FMNL2: variants seen among roughly 807,000 people sequenced by gnomAD.
FMNL2 encodes formin-like protein 2.
Under a neutral mutation model 130.2 loss-of-function variants are expected in FMNL2, and 51 were observed. The ratio of observed to expected loss-of-function variants is 0.39; its 90% CI spans 0.31 to 0.49. FMNL2 has a LOEUF of 0.49. Ranked by LOEUF, FMNL2 falls within the 20% of genes least tolerant of loss-of-function variation. FMNL2 has a pLI of 0.85. For missense variants in FMNL2, 977 were observed against 1,316.2 expected, an observed-to-expected ratio of 0.74 and a Z score of 3.99; for synonymous variants, 465 against 467.1, an observed-to-expected ratio of 1.00 and a Z score of 0.06.
At chr2:152,386,193 A>G (rs1684770512) in intron 1 of FMNL2, among the ~76,000 whole-genome samples, 1 of 152,192 alleles carries the variant, frequency 6.6e-6, no homozygotes, top group Non-Finnish European at 1.5e-5. Context: ...AGCACCTTCA[A>G]GGGGGCTATT....
chr2:152,623,122 G>C (rs1681480395), intron 15 of FMNL2, among the ~76,000 whole-genome samples: 1 of 152,184 alleles, frequency 6.6e-6, no homozygotes, highest in Non-Finnish European at 1.5e-5. Flanking sequence ...TTGCTAAATA[G>C]TTAGAAGGGT....
chr2:152,647,689 A>T, intron 25 of FMNL2, 107 bp from the exon 26 acceptor site: 1 of 990,436 alleles, frequency 1.0e-6, no homozygotes, highest in Non-Finnish European at 1.6e-6. Flanking sequence ...CCATTAGCTG[A>T]CTTTTCTACA....
chr2:152,528,002 T>C (rs1378233604), intron 2 of FMNL2, among the ~76,000 whole-genome samples: 2 of 152,168 alleles, frequency 1.3e-5, no homozygotes, highest in Non-Finnish European at 2.9e-5. Context: ...TTCTAGACCT[T>C]GAAAATACAG....
intron 1 of FMNL2, among the ~76,000 whole-genome samples, chr2:152,370,388 C>G (rs1437907729): frequency 6.6e-6 from 1 of 152,186 alleles, no homozygotes; most frequent in African/African-American, 2.4e-5. Context: ...CCCAAAGGCC[C>G]CACCTTTTAA....
At chr2:152,516,462 A>C (rs543393919) in intron 1 of FMNL2, among the ~76,000 whole-genome samples, 77 of 152,268 alleles carry the variant, frequency 5.1e-4, no homozygotes, top group African/African-American at 1.4e-3. Flanking sequence ...TGCAAAGTCC[A>C]TGTTTTTTCT....
intron 1 of FMNL2, among the ~76,000 whole-genome samples, chr2:152,364,271 T>G (rs1312882702): frequency 4.1e-5 from 6 of 147,542 alleles, no homozygotes; most frequent in African/African-American, 1.5e-4. Context: ...GTTTTTTTTT[T>G]TTTTTTTTTT....
chr2:152,381,684 C>T (rs531162603), intron 1 of FMNL2, among the ~76,000 whole-genome samples: 2 of 152,304 alleles, frequency 1.3e-5, no homozygotes, highest in East Asian at 3.9e-4. Context: ...TTCCTGCCTG[C>T]TGTACTAAAC....
intron 1 of FMNL2, among the ~76,000 whole-genome samples, chr2:152,353,482 A>C (rs1190272925): frequency 6.6e-6 from 1 of 152,230 alleles, no homozygotes; most frequent in Admixed American, 6.5e-5. Flanking sequence ...AAGTAAGTAT[A>C]TGTCCCTATA....
At chr2:152,575,436 A>G (rs1451407756) in intron 7 of FMNL2, among the ~76,000 whole-genome samples, 192 bp downstream of exon 7, 1 of 104,598 alleles carries the variant, frequency 9.6e-6, no homozygotes, top group Non-Finnish European at 1.9e-5. Context: ...AAAAAAGAAG[A>G]AAAACCAACC....
chr2:152,553,699 A>G (rs896716014), intron 4 of FMNL2, among the ~76,000 whole-genome samples: 2 of 151,574 alleles, frequency 1.3e-5, no homozygotes, highest in Admixed American at 6.6e-5. Context: ...GTAATATTTA[A>G]TAACATTTAA....
At chr2:152,367,196 C>G (rs1683609625) in intron 1 of FMNL2, among the ~76,000 whole-genome samples, 1 of 151,756 alleles carries the variant, frequency 6.6e-6, no homozygotes, top group Admixed American at 6.6e-5. Context: ...CTACCTTAGC[C>G]TCTCGAGTAG....
At chr2:152,376,415 C>A (rs974681676) in intron 1 of FMNL2, among the ~76,000 whole-genome samples, 21 of 152,204 alleles carry the variant, frequency 1.4e-4, no homozygotes, top group African/African-American at 4.6e-4. Flanking sequence ...TCGAACACTG[C>A]ATGTACCTAT....
chr2:152,378,246 T>G (rs1286034534), intron 1 of FMNL2, among the ~76,000 whole-genome samples: 1 of 152,202 alleles, frequency 6.6e-6, no homozygotes, highest in Non-Finnish European at 1.5e-5. Flanking sequence ...TATGCAAGTA[T>G]CTTTTTAAGT....
chr2:152,628,620 T>A, intron 18 of FMNL2, 87 bp downstream of exon 18: 1 of 1,160,282 alleles, frequency 8.6e-7, no homozygotes, highest in Non-Finnish European at 1.3e-6. Flanking sequence ...TCGTACTCAG[T>A]GTGATGGGTT....
At chr2:152,353,047 G>C (rs1682590301) in intron 1 of FMNL2, among the ~76,000 whole-genome samples, 1 of 152,096 alleles carries the variant, frequency 6.6e-6, no homozygotes, top group Admixed American at 6.5e-5. Flanking sequence ...TGAGATGCTG[G>C]GACACAAAGG....
chr2:152,370,819 G>C (rs1447339948), intron 1 of FMNL2, among the ~76,000 whole-genome samples: 1 of 152,210 alleles, frequency 6.6e-6, no homozygotes. Flanking sequence ...AAAGCTAGAG[G>C]CTTAAAACTA....
chr2:152,416,195 A>G (rs1686602842), intron 1 of FMNL2, among the ~76,000 whole-genome samples: 1 of 152,186 alleles, frequency 6.6e-6, no homozygotes. Context: ...TTCGGTAACC[A>G]TAAGGGAAGA....
intron 1 of FMNL2, among the ~76,000 whole-genome samples, chr2:152,512,276 T>C (rs1038377743): frequency 2.2e-4 from 34 of 152,180 alleles, no homozygotes; most frequent in African/African-American, 7.2e-4. Flanking sequence ...ACATGAAGTT[T>C]GAAAAAAATT....
chr2:152,641,444 A>G (rs1013879240), intron 25 of FMNL2, among the ~76,000 whole-genome samples: 3 of 152,246 alleles, frequency 2.0e-5, no homozygotes, highest in African/African-American at 7.2e-5. Context: ...GCATAATGCT[A>G]TCTCCTCGAA....
Sources: allele counts gnomAD v4.1 joint callset (sites outside exome capture counted in the v4.1 genomes callset), GRCh38; gene constraint gnomAD v4.1.1; transcripts MANE v1.5; gene names NCBI Gene and HGNC (gene_info 2026-07-23, HGNC 2026-07-21).